The following CCDC77 variants were observed in gnomAD, a reference collection of about 807,000 sequenced individuals.
The protein encoded by CCDC77 is coiled-coil domain-containing protein 77.
In CCDC77, 56 loss-of-function variants were observed where a neutral mutation model predicts 66.8. The ratio of observed to expected loss-of-function variants is 0.84; its 90% CI spans 0.68 to 1.05. The LOEUF is 1.05. Ranked by LOEUF, CCDC77 falls within the 50% of genes least tolerant of loss-of-function variation. The pLI, the probability that CCDC77 is intolerant of heterozygous loss-of-function variation, is 0.00. For synonymous variants in CCDC77, 196 were observed against 195.2 expected (o/e 1.00, Z -0.03); for missense variants, 570 against 576.8 (o/e 0.99, Z 0.12).
rs201230689 is a variant in CCDC77, at chr12:438,470, G to A, written c.957G>A (p.Val319=). ...NLMSKIKQYR[V]QCKKKEDKIG... is the part of the protein sequence containing the mutation. Reference sequence around the variant, plus strand: ...TGTCAAAGATTAAGCAATATAGGGTGCAGTGTAAGAAGAAAGAAGATAAAA... The same window carrying A: ...TGTCAAAGATTAAGCAATATAGGGTACAGTGTAAGAAGAAAGAAGATAAAA... The change falls in exon 10 of 13, where the codon GTG becomes GTA. Residue 319 remains valine, a synonymous_variant. Coordinates refer to ENST00000239830, the MANE Select transcript of CCDC77 (RefSeq NM_032358.4). 4.3e-6 allele frequency: 7 copies of A among 1,613,838 alleles called. No individual in the cohort carries two copies. Among genetic ancestry groups the A allele is most frequent in the Non-Finnish European group, 5.9e-6 (7 of 1,179,882 alleles).
chr12:416,353 G>A (rs1444861765), intron 4 of CCDC77, among the ~76,000 whole-genome samples: 15 of 14,140 alleles, frequency 1.1e-3, no homozygotes, highest in African/African-American at 2.4e-3. Flanking sequence ...GGGTGTGTGT[G>A]TGTGTGTGTG....
At chr12:425,141 G>A (rs1025511724) in intron 5 of CCDC77, among the ~76,000 whole-genome samples, 2 of 151,326 alleles carry the variant, frequency 1.3e-5, no homozygotes, top group Non-Finnish European at 2.9e-5. Context: ...ATATTGCCCA[G>A]GCTGATCTCG....
At chr12:426,024 C>T (rs545481200) in intron 5 of CCDC77, among the ~76,000 whole-genome samples, 2 of 152,150 alleles carry the variant, frequency 1.3e-5, no homozygotes, top group African/African-American at 4.8e-5. Context: ...CTATCACGCC[C>T]AGCTAATTTT....
chr12:426,344 C>G (rs761741317), intron 5 of CCDC77, among the ~76,000 whole-genome samples: 1 of 152,220 alleles, frequency 6.6e-6, no homozygotes. Context: ...CTAAGTAATT[C>G]TCTTCTAGCA....
chr12:440,483 T>G (rs1228361124), intron 10 of CCDC77, 134 bp from the exon 11 acceptor site: 1 of 959,000 alleles, frequency 1.0e-6, no homozygotes, highest in Admixed American at 2.8e-5. Context: ...TCAAAGTTCC[T>G]TGTCATCTGG....
At chr12:414,792 A>T (rs911741578) in intron 4 of CCDC77, among the ~76,000 whole-genome samples, 3 of 151,852 alleles carry the variant, frequency 2.0e-5, no homozygotes, top group African/African-American at 7.3e-5. Context: ...AATATTACTT[A>T]ATCCATTCCC....
intron 5 of CCDC77, among the ~76,000 whole-genome samples, chr12:428,460 A>C (rs146941961): frequency 2.8e-5 from 4 of 143,752 alleles, no homozygotes; most frequent in East Asian, 4.1e-4. Flanking sequence ...GCAGTGAGCC[A>C]AGACCGCACC....
At chr12:391,189 C>T (rs904017611) in intron 1 of CCDC77, among the ~76,000 whole-genome samples, 5 of 152,172 alleles carry the variant, frequency 3.3e-5, no homozygotes, top group Non-Finnish European at 5.9e-5. Context: ...CAGTGGCTCA[C>T]GCCTGTAATC....
intron 4 of CCDC77, among the ~76,000 whole-genome samples, chr12:416,873 C>T (rs1193449015): frequency 1.3e-5 from 1 of 77,860 alleles, no homozygotes; most frequent in African/African-American, 4.4e-5. Flanking sequence ...TTTGGGAGGC[C>T]GAGGCCGGCG....
intron 2 of CCDC77, among the ~76,000 whole-genome samples, chr12:408,807 T>G (rs916991257): frequency 1.2e-4 from 18 of 152,264 alleles, no homozygotes; most frequent in African/African-American, 4.1e-4. Context: ...CTTATCCATT[T>G]AAATATTCAA....
intron 1 of CCDC77, among the ~76,000 whole-genome samples, chr12:392,153 C>T (rs1023095522): frequency 6.6e-6 from 1 of 151,876 alleles, no homozygotes; most frequent in Non-Finnish European, 1.5e-5. Context: ...TTAAACAATC[C>T]TTGACAGTAA....
intron 5 of CCDC77, among the ~76,000 whole-genome samples, chr12:428,455 G>A (rs1420965025): frequency 2.2e-5 from 3 of 137,508 alleles, no homozygotes; most frequent in African/African-American, 8.3e-5. Flanking sequence ...AGGTTGCAGT[G>A]AGCCAAGACC....
At chr12:419,382 C>T (rs1368645476) in intron 5 of CCDC77, among the ~76,000 whole-genome samples, 1 of 152,176 alleles carries the variant, frequency 6.6e-6, no homozygotes, top group Non-Finnish European at 1.5e-5. Context: ...GATATGGTCA[C>T]AAGAAGGAGT....
At chr12:389,422 G>A (rs1944703962) in exon 1 of CCDC77, 2 of 497,896 alleles carry the variant, frequency 4.0e-6, no homozygotes, top group Admixed American at 3.3e-5. Context: ...AGCACAGTGT[G>A]GCTGTTTGTC....
At chr12:411,644 A>C in intron 3 of CCDC77, 103 bp from the exon 4 acceptor site, 2 of 956,678 alleles carry the variant, frequency 2.1e-6, no homozygotes, top group East Asian at 2.6e-5. Flanking sequence ...GAGCACCTTA[A>C]TTATAAGCAC....
Position 416,307 on chromosome 12 carries a change from A to G in CCDC77, c.271-2187A>G, listed in dbSNP as rs1166836276. ...TTCAGTTGAGTAGTGTTAAGTGTTT[A>G]TGTGTGTGTGTGTGTGTGAGTCTGT... On this transcript the variant is annotated intron_variant, in intron 4 of 12. Coordinates refer to ENST00000239830, the MANE Select transcript of CCDC77 (RefSeq NM_032358.4). 8.1e-5 allele frequency among the ~76,000 whole-genome samples: 7 copies of G among 86,764 alleles called. 2 individuals are homozygous for G. Among genetic ancestry groups the G allele is most frequent in the African/African-American group, 1.9e-4 (4 of 21,418 alleles). The allele number at this position is 86,764 out of a possible 152,430, so 56.9% of individuals were successfully genotyped here.
chr12:414,765 G>A (rs1440748025), intron 4 of CCDC77, among the ~76,000 whole-genome samples: 1 of 151,866 alleles, frequency 6.6e-6, no homozygotes, highest in Non-Finnish European at 1.5e-5. Flanking sequence ...GGCAAGTCCT[G>A]TTGATTCTGC....
chr12:394,027 T>C (rs147522663), intron 1 of CCDC77, among the ~76,000 whole-genome samples: 1 of 152,364 alleles, frequency 6.6e-6, no homozygotes, highest in Non-Finnish European at 1.5e-5. Context: ...AAACTCATGA[T>C]GACAGAAACA....
At chr12:423,490 TTTTG>T (rs1565572246) in intron 5 of CCDC77, among the ~76,000 whole-genome samples, 8 of 27,370 alleles carry the variant, frequency 2.9e-4, no homozygotes, top group African/African-American at 5.2e-4. Context: ...TTTTTTTTTG[TTTTG>T]TTTTTTTTTT....
Sources: gnomAD v4.1 joint callset for allele counts (sites outside exome capture counted in the v4.1 genomes callset) on GRCh38, gnomAD v4.1.1 for gene constraint, MANE v1.5 for transcripts, NCBI Gene and HGNC (gene_info 2026-07-23, HGNC 2026-07-21) for gene names.